TMEM132D: variants seen among roughly 807,000 people sequenced by gnomAD.
TMEM132D encodes the protein transmembrane protein 132D, also known as mature OL transmembrane protein.
A neutral mutation model predicts 62.3 loss-of-function variants in TMEM132D; 21 were observed. The observed-to-expected ratio is 0.34, with a 90% CI of 0.24 to 0.49. The LOEUF is 0.49. Among genes scored for constraint, TMEM132D ranks in the 20% least tolerant of loss-of-function variants. TMEM132D has a pLI of 0.99. For synonymous variants in TMEM132D, 621 were observed against 575.6 expected (o/e 1.08, Z -1.13); for missense variants, 1,346 against 1,402.8 (o/e 0.96, Z 0.65).
At chr12:129,824,916 T>C (rs1872622921) in intron 1 of TMEM132D, among the ~76,000 whole-genome samples, 1 of 152,178 alleles carries the variant, frequency 6.6e-6, no homozygotes, top group Non-Finnish European at 1.5e-5. Flanking sequence ...TCTTTTTCCT[T>C]AAGGGATGGC....
chr12:129,648,491 CTT>C (rs1879844316), intron 2 of TMEM132D, among the ~76,000 whole-genome samples: 1 of 152,184 alleles, frequency 6.6e-6, no homozygotes, highest in African/African-American at 2.4e-5. Flanking sequence ...TTGCAATTCC[CTT>C]GTCTTCATAA....
intron 1 of TMEM132D, among the ~76,000 whole-genome samples, chr12:129,836,683 C>T (rs1054558183): frequency 6.6e-6 from 1 of 151,994 alleles, no homozygotes; most frequent in Non-Finnish European, 1.5e-5. Context: ...ATAAAATAAA[C>T]ATCTCCCATG....
chr12:129,157,092 C>T (rs371635037), intron 5 of TMEM132D, among the ~76,000 whole-genome samples: 9 of 152,254 alleles, frequency 5.9e-5, no homozygotes, highest in Middle Eastern at 3.4e-3. Flanking sequence ...AAATAACTAG[C>T]CCACTCCAGA....
intron 1 of TMEM132D, among the ~76,000 whole-genome samples, chr12:129,780,791 A>C (rs1871098727): frequency 1.3e-5 from 2 of 152,192 alleles, no homozygotes; most frequent in South Asian, 4.1e-4. Flanking sequence ...ATTAAATTGA[A>C]GAGAAAATTG....
chr12:129,527,802 A>T (rs7956278), intron 3 of TMEM132D, among the ~76,000 whole-genome samples: 101,404 of 151,782 alleles, frequency 0.67, 34,344 homozygotes, highest in African/African-American at 0.78. Flanking sequence ...ATCAAAACAG[A>T]TCTGATAGCT....
At chr12:129,597,938 A>G (rs1878381483) in intron 2 of TMEM132D, among the ~76,000 whole-genome samples, 2 of 152,184 alleles carry the variant, frequency 1.3e-5, no homozygotes, top group African/African-American at 4.8e-5. Context: ...AGTTTAAAAA[A>G]AACACCATTT....
chr12:129,340,180 T>C (rs1029481705), intron 3 of TMEM132D, among the ~76,000 whole-genome samples: 4 of 152,194 alleles, frequency 2.6e-5, no homozygotes, highest in Non-Finnish European at 5.9e-5. Flanking sequence ...GATTGTTCTA[T>C]ACATTTAGAT....
intron 2 of TMEM132D, among the ~76,000 whole-genome samples, chr12:129,645,405 T>C (rs1007819860): frequency 4.0e-4 from 61 of 152,204 alleles, no homozygotes; most frequent in African/African-American, 1.4e-3. Flanking sequence ...TATAACTTAC[T>C]GTTCGCTTGA....
intron 5 of TMEM132D, among the ~76,000 whole-genome samples, chr12:129,138,649 A>C (rs1403304934): frequency 1.3e-5 from 2 of 152,196 alleles, no homozygotes; most frequent in Non-Finnish European, 2.9e-5. Context: ...TGAACCCGGG[A>C]GGCAAAGGTT....
intron 5 of TMEM132D, among the ~76,000 whole-genome samples, chr12:129,149,602 C>T (rs766936760): frequency 9.9e-5 from 15 of 151,958 alleles, no homozygotes; most frequent in African/African-American, 3.6e-4. Context: ...CACTGGGGAC[C>T]GTGTAGATTT....
chr12:129,435,450 GTCCTCATTTC>G (rs1440735629), intron 3 of TMEM132D, among the ~76,000 whole-genome samples: 1 of 152,094 alleles, frequency 6.6e-6, no homozygotes, highest in Non-Finnish European at 1.5e-5. Flanking sequence ...GTGTATATGT[GTCCTCATTTC>G]TCCACATCTG....
At chr12:129,300,373 G>A (rs551627469) in intron 4 of TMEM132D, among the ~76,000 whole-genome samples, 6 of 152,296 alleles carry the variant, frequency 3.9e-5, no homozygotes, top group East Asian at 1.9e-4. Flanking sequence ...TGACTGCTCC[G>A]TGGCCAGGAC....
chr12:129,225,505 C>A (rs986104855), intron 4 of TMEM132D, among the ~76,000 whole-genome samples: 1 of 152,190 alleles, frequency 6.6e-6, no homozygotes, highest in Non-Finnish European at 1.5e-5. Flanking sequence ...CCAGCTTTGT[C>A]ACTTCCATGT....
chr12:129,614,936 C>G (rs983598200), intron 2 of TMEM132D, among the ~76,000 whole-genome samples: 1 of 152,172 alleles, frequency 6.6e-6, no homozygotes, highest in East Asian at 1.9e-4. Context: ...TAACCTCTAA[C>G]TGAATCAATA....
chr12:129,744,384 A>T (rs1365103193), intron 1 of TMEM132D, among the ~76,000 whole-genome samples: 3 of 152,180 alleles, frequency 2.0e-5, no homozygotes. Flanking sequence ...ATTCCTGTTT[A>T]GTTATTAAAA....
chr12:129,368,245 ATG>A lies in TMEM132D; in HGVS notation c.1116-30430_1116-30429del, dbSNP rs34221350. Among the ~76,000 whole-genome samples the A allele has an allele frequency of 9.2e-3, 1,387 of 151,314 alleles. 13 individuals are homozygous for A. Among genetic ancestry groups the A allele is most frequent in the African/African-American group, 0.03 (1,251 of 41,240 alleles). ...CCAACTGAAGATCTACATATGCAAAATGTGTGTGTGTGTGTGTGTACACATAC... is the reference window on the plus strand; with the variant it reads ...CCAACTGAAGATCTACATATGCAAAATGTGTGTGTGTGTGTGTACACATAC... On this transcript the variant is annotated intron_variant, in intron 3 of 8. Coordinates refer to ENST00000422113, the MANE Select transcript of TMEM132D (RefSeq NM_133448.3).
chr12:129,079,765 C>T (rs550307900), intron 7 of TMEM132D, among the ~76,000 whole-genome samples: 17 of 152,166 alleles, frequency 1.1e-4, no homozygotes, highest in African/African-American at 3.4e-4. Flanking sequence ...TAAATGGTGG[C>T]GAGCATGAGA....
At chr12:129,722,846 T>A (rs1765358117) in intron 1 of TMEM132D, among the ~76,000 whole-genome samples, 1 of 151,852 alleles carries the variant, frequency 6.6e-6, no homozygotes, top group African/African-American at 2.4e-5. Flanking sequence ...TTCAAGAGAT[T>A]CTCCTGCCTC....
At position 129,074,718 on chromosome 12, in the gene TMEM132D, T is replaced by A. The variant is rs1874194767; in HGVS notation, c.2457A>T (p.Glu819Asp). 5.0e-6 allele frequency: 8 copies of A among 1,614,148 alleles called. No individual in the cohort carries two copies. The highest frequency in any genetic ancestry group is 6.8e-6 in the Non-Finnish European group (8 of 1,180,030). Residue 819 changes from glutamate (E) to aspartate (D), a missense_variant, in exon 9 of 9, where the codon GAA becomes GAT. Transcript: ENST00000422113. The part of the protein sequence containing the change: ...SRHTGAGVHM[E>D]NNVSDRRPKK... ...TGGGCCTTCTGTCACTGACATTGTT[T>A]TCCATGTGAACCCCTGCCCCTGTGT...
Sources: allele counts gnomAD v4.1 joint callset (sites outside exome capture counted in the v4.1 genomes callset), GRCh38; gene constraint gnomAD v4.1.1; transcripts MANE v1.5; gene names NCBI Gene and HGNC (gene_info 2026-07-23, HGNC 2026-07-21).